The following PHLPP2 variants were observed in gnomAD, a reference collection of about 807,000 sequenced individuals.
PHLPP2 encodes the protein PH domain and leucine rich repeat protein phosphatase 2, also known as PH domain leucine-rich repeat-containing protein phosphatase 2.
PHLPP2 carries 66 observed loss-of-function variants against 124.9 expected under a neutral mutation model. The observed-to-expected ratio is 0.53, with a 90% confidence interval of 0.43 to 0.65. The LOEUF (loss-of-function observed/expected upper bound fraction) is 0.65. Ranked by LOEUF, PHLPP2 falls within the 30% of genes least tolerant of loss-of-function variation. The pLI is 0.00. For missense variants in PHLPP2, 1,685 were observed against 1,600.4 expected, an observed-to-expected ratio of 1.05 and a Z score of -0.90; for synonymous variants, 681 against 624.7, an observed-to-expected ratio of 1.09 and a Z score of -1.34.
rs777447996 is a variant in PHLPP2, at chr16:71,676,424, A to G, written c.1471+23T>C. On this transcript the variant is annotated intron_variant, in intron 9 of 18. Coordinates refer to ENST00000568954, the MANE Select transcript of PHLPP2 (RefSeq NM_015020.3). ...TGACAACAGCTGAAAGAGAAAAAACAAAAGGCTGCAGAGAAAACTCACTGT... is the reference window on the plus strand; with the variant it reads ...TGACAACAGCTGAAAGAGAAAAAACGAAAGGCTGCAGAGAAAACTCACTGT... 3.7e-6 allele frequency: 6 copies of G among 1,600,056 alleles called. No individual in the cohort carries two copies. The South Asian group carries it at 6.6e-5, about 18-fold the overall frequency.
chr16:71,679,320 T>C lies in PHLPP2; in HGVS notation c.1037+69A>G, dbSNP rs1380492287. ...CACTGCAAGAGTTCAAGATACTACCTTCATTCCAAACCCCAGGCAAGTTCC... is the reference window on the plus strand; with the variant it reads ...CACTGCAAGAGTTCAAGATACTACCCTCATTCCAAACCCCAGGCAAGTTCC... On this transcript the variant is annotated intron_variant, in intron 7 of 18. Coordinates refer to ENST00000568954, the MANE Select transcript of PHLPP2 (RefSeq NM_015020.3). 5.1e-6 allele frequency: 7 copies of C among 1,376,078 alleles called. No individual in the cohort carries two copies. In the African/African-American group the frequency reaches 7.2e-5, roughly 14 times the overall value. The allele number at this position is 1,376,078 out of a possible 1,614,324, so 85.2% of individuals were successfully genotyped here.
chr16:71,711,285 C>T (rs892867132), intron 2 of PHLPP2, among the ~76,000 whole-genome samples: 2 of 149,414 alleles, frequency 1.3e-5, no homozygotes, highest in Non-Finnish European at 3.0e-5. Flanking sequence ...GAGCCGAGAT[C>T]GCACCACTGC....
chr16:71,723,961 G>T, intron 1 of PHLPP2: 1 of 316,286 alleles, frequency 3.2e-6, no homozygotes. Flanking sequence ...CGCCCCCCGC[G>T]GCCCGCCGGC....
intron 10 of PHLPP2, among the ~76,000 whole-genome samples, chr16:71,671,621 A>G (rs924951919): frequency 1.6e-4 from 24 of 152,116 alleles, no homozygotes; most frequent in Admixed American, 4.6e-4. Context: ...ATATTTTAAA[A>G]ACCCACTATC....
At position 71,714,930 on chromosome 16, in the gene PHLPP2, G is replaced by A. The variant is rs563396490; in HGVS notation, c.-6-129C>T. 12 of 1,157,174 alleles carry A rather than the reference G, an allele frequency of 1.0e-5. No individual in the cohort carries two copies. The African/African-American group carries it at 1.7e-4, about 17-fold the overall frequency. The allele number at this position is 1,157,174 out of a possible 1,614,324, so 71.7% of individuals were successfully genotyped here. A position where few individuals can be genotyped will look rare whatever the true frequency, so the allele number is the denominator to read the frequency against. The stretch of plus-strand genomic sequence containing the variant: ...TGCTCAAGTATCCCCTCCTTTTGTG[G>A]AGCACTTCACATCTATCATGCTCAT... On this transcript the variant is annotated intron_variant, in intron 1 of 18. Coordinates refer to ENST00000568954, the MANE Select transcript of PHLPP2 (RefSeq NM_015020.3).
At chr16:71,662,771 T>A (rs1040788911) in intron 13 of PHLPP2, among the ~76,000 whole-genome samples, 1 of 151,796 alleles carries the variant, frequency 6.6e-6, no homozygotes, top group African/African-American at 2.4e-5. Flanking sequence ...GTCTGCAGTT[T>A]CAGGTACTTG....
chr16:71,721,111 G>A (rs2045395638), intron 1 of PHLPP2, among the ~76,000 whole-genome samples: 1 of 151,634 alleles, frequency 6.6e-6, no homozygotes, highest in Non-Finnish European at 1.5e-5. Flanking sequence ...AGGAGGGACA[G>A]CCTTTAAGCC....
chr16:71,674,062 C>T lies in PHLPP2; in HGVS notation c.1472-1740G>A, dbSNP rs979656348. Among the ~76,000 whole-genome samples, 3 of 150,678 alleles carry T rather than the reference C, an allele frequency of 2.0e-5. 1 individual carries two copies. Among genetic ancestry groups the T allele is most frequent in the Non-Finnish European group, 4.4e-5 (3 of 67,828 alleles). ...TAGCTTTTAACAAACCTACATTCTG[C>T]TTTATATGTGGCAGACTTTTTTTTT... On this transcript the variant is annotated intron_variant, in intron 9 of 18. Transcript: ENST00000568954.
At chr16:71,670,695 A>AACACACACACACACATACACACAC (rs1555545717) in intron 10 of PHLPP2, among the ~76,000 whole-genome samples, 1 of 128,940 alleles carries the variant, frequency 7.8e-6, no homozygotes, top group Admixed American at 8.7e-5. Flanking sequence ...AGAGGCTGAA[A>AACACACACACACACATACACACAC]ACACACACAC....
intron 2 of PHLPP2, among the ~76,000 whole-genome samples, chr16:71,714,249 T>C (rs2045342774): frequency 6.6e-6 from 1 of 152,160 alleles, no homozygotes; most frequent in African/African-American, 2.4e-5. Flanking sequence ...CAAAAAAATT[T>C]AACTTTTAAA....
chr16:71,699,495 C>T (rs1490471925), intron 3 of PHLPP2, among the ~76,000 whole-genome samples: 1 of 152,130 alleles, frequency 6.6e-6, no homozygotes, highest in African/African-American at 2.4e-5. Flanking sequence ...AGTGAGCTGC[C>T]CTTCCCATTC....
intron 6 of PHLPP2, 63 bp downstream of exon 6, chr16:71,681,688 C>T: frequency 7.8e-7 from 1 of 1,282,876 alleles, no homozygotes; most frequent in Non-Finnish European, 1.1e-6. Flanking sequence ...CAGGTAGAAG[C>T]CATAAGATAC....
intron 1 of PHLPP2, chr16:71,723,696 C>T (rs1567633495): frequency 2.9e-6 from 2 of 690,176 alleles, no homozygotes; most frequent in Non-Finnish European, 4.2e-6. Flanking sequence ...GGCCTCTAGC[C>T]TCCCTCGTTC....
At chr16:71,651,258 A>C (rs1316816431) in intron 18 of PHLPP2, among the ~76,000 whole-genome samples, 1 of 152,074 alleles carries the variant, frequency 6.6e-6, no homozygotes, top group Non-Finnish European at 1.5e-5. Flanking sequence ...GAATCGCTTG[A>C]ACCTGGGAGG....
intron 1 of PHLPP2, among the ~76,000 whole-genome samples, chr16:71,715,959 G>A (rs1346400954): frequency 6.7e-5 from 10 of 148,946 alleles, no homozygotes; most frequent in Admixed American, 1.3e-4. Flanking sequence ...TTGTGCCACC[G>A]CACTCCAGTC....
intron 2 of PHLPP2, among the ~76,000 whole-genome samples, chr16:71,710,391 A>C (rs1597017357): frequency 6.6e-6 from 1 of 152,346 alleles, no homozygotes; most frequent in East Asian, 1.9e-4. Flanking sequence ...TAAAAAAAAC[A>C]TAAAGTAGTA....
intron 3 of PHLPP2, among the ~76,000 whole-genome samples, chr16:71,694,885 C>T (rs1054160318): frequency 2.0e-5 from 3 of 152,024 alleles, no homozygotes; most frequent in East Asian, 2.0e-4. Context: ...TTTGGGTTCA[C>T]GCCATTCTCC....
At chr16:71,698,944 C>T (rs986200553) in intron 3 of PHLPP2, among the ~76,000 whole-genome samples, 1 of 152,142 alleles carries the variant, frequency 6.6e-6, no homozygotes, top group East Asian at 1.9e-4. Flanking sequence ...GGTTCGCACT[C>T]GGGCCCTTAT....
intron 3 of PHLPP2, among the ~76,000 whole-genome samples, chr16:71,694,966 T>C (rs2045154293): frequency 6.6e-6 from 1 of 151,994 alleles, no homozygotes; most frequent in Non-Finnish European, 1.5e-5. Flanking sequence ...TTGTATTTTT[T>C]AGTAGAGACA....
Sources: allele counts gnomAD v4.1 joint callset (sites outside exome capture counted in the v4.1 genomes callset), GRCh38; gene constraint gnomAD v4.1.1; transcripts MANE v1.5; gene names NCBI Gene and HGNC (gene_info 2026-07-23, HGNC 2026-07-21).